SLIT2: variants seen among roughly 807,000 people sequenced by gnomAD.
SLIT2 encodes slit homolog 2 protein.
A neutral mutation model predicts 185.7 loss-of-function variants in SLIT2; 41 were observed. That is an observed-to-expected ratio of 0.22 (90% CI 0.17 to 0.29). The LOEUF is 0.29. SLIT2 is among the 10% of genes least tolerant of loss of function. The pLI is 1.00. For missense variants in SLIT2, 1,571 were observed against 1,909.0 expected (o/e 0.82, Z 3.30); for synonymous variants, 693 against 680.2 (o/e 1.02, Z -0.29).
At chr4:20,488,679 A>T in intron 7 of SLIT2, 140 bp from the exon 8 acceptor site, 1 of 541,832 alleles carries the variant, frequency 1.8e-6, no homozygotes, top group Non-Finnish European at 3.1e-6. Context: ...GTGATTGTAC[A>T]TCAGTTTAAT....
At chr4:20,498,879 A>G (rs1299831536) in intron 9 of SLIT2, among the ~76,000 whole-genome samples, 1 of 152,204 alleles carries the variant, frequency 6.6e-6, no homozygotes, top group African/African-American at 2.4e-5. Flanking sequence ...CGATAAACAT[A>G]TGAGTGAAAG....
chr4:20,282,703 C>A (rs992333121), intron 4 of SLIT2, among the ~76,000 whole-genome samples: 4 of 152,154 alleles, frequency 2.6e-5, no homozygotes, highest in Admixed American at 2.6e-4. Context: ...ATCTGTTTAA[C>A]CTTTTAAAAT....
At chr4:20,281,649 G>C (rs986176102) in intron 4 of SLIT2, among the ~76,000 whole-genome samples, 5 of 152,164 alleles carry the variant, frequency 3.3e-5, no homozygotes, top group African/African-American at 1.2e-4. Flanking sequence ...GGTACTCCAA[G>C]TGACCACCCT....
chr4:20,512,958 T>G, intron 11 of SLIT2, among the ~76,000 whole-genome samples: 1 of 152,228 alleles, frequency 6.6e-6, no homozygotes, highest in East Asian at 1.9e-4. Context: ...AATTTGTTAC[T>G]TCTTTCAATA....
At chr4:20,603,972 A>T (rs561472338) in intron 33 of SLIT2, among the ~76,000 whole-genome samples, 8 of 152,176 alleles carry the variant, frequency 5.3e-5, no homozygotes, top group Non-Finnish European at 1.2e-4. Context: ...CCTTGGGCAG[A>T]TTGCTTCATT....
chr4:20,597,833 G>T (rs902675613), intron 32 of SLIT2, among the ~76,000 whole-genome samples: 7 of 152,154 alleles, frequency 4.6e-5, no homozygotes, highest in South Asian at 2.1e-4. Context: ...GGGCCAAAGA[G>T]CAGGATAAAA....
chr4:20,471,682 A>G (rs1217859405), intron 5 of SLIT2, among the ~76,000 whole-genome samples: 3 of 152,188 alleles, frequency 2.0e-5, no homozygotes, highest in Non-Finnish European at 4.4e-5. Flanking sequence ...CAAGATTTTC[A>G]CTAAAAGCAT....
chr4:20,618,656 C>G (rs1729861941), intron 36 of SLIT2, 112 bp from the exon 37 acceptor site: 2 of 1,099,094 alleles, frequency 1.8e-6, no homozygotes, highest in South Asian at 1.8e-5. Context: ...ATATGTAAAG[C>G]AAGTTACAAA....
intron 4 of SLIT2, among the ~76,000 whole-genome samples, chr4:20,447,516 CT>C (rs931095563): frequency 2.0e-5 from 3 of 152,102 alleles, no homozygotes; most frequent in African/African-American, 7.2e-5. Context: ...ATTTTAACGT[CT>C]TTTTTTGATA....
At position 20,610,085 on chromosome 4, in the gene SLIT2, C is replaced by T. The variant is rs779990848; in HGVS notation, c.3765C>T (p.Ser1255=). Residue 1255 remains serine, a synonymous_variant, in exon 34 of 37, where the codon TCC becomes TCT. Coordinates refer to ENST00000504154, the MANE Select transcript of SLIT2 (RefSeq NM_004787.4). ...CCTTGGATCAGAGTCTCTCTTTGTC[C>T]GTGGATGGTGGGAACCCCAAAATCA... ...LLALDQSLSL[S]VDGGNPKIIT... 11 of 1,613,542 alleles carry T rather than the reference C, an allele frequency of 6.8e-6. No homozygotes were observed. Among genetic ancestry groups the T allele is most frequent in the African/African-American group, 4.0e-5 (3 of 74,884 alleles).
intron 26 of SLIT2, among the ~76,000 whole-genome samples, chr4:20,554,496 A>T (rs553633520): frequency 1.9e-4 from 29 of 152,320 alleles, no homozygotes; most frequent in African/African-American, 5.3e-4. Flanking sequence ...ATATTGTCAG[A>T]ATAACAAATA....
chr4:20,500,114 G>A (rs1467914004), intron 9 of SLIT2, among the ~76,000 whole-genome samples: 6 of 151,990 alleles, frequency 3.9e-5, no homozygotes, highest in Admixed American at 2.6e-4. Flanking sequence ...AATGTAACAT[G>A]GTATGAAAGA....
chr4:20,326,497 T>A (rs1719603955), intron 4 of SLIT2, among the ~76,000 whole-genome samples: 1 of 152,036 alleles, frequency 6.6e-6, no homozygotes. Flanking sequence ...CCCGTCTTGC[T>A]CATTTCCAAC....
intron 4 of SLIT2, among the ~76,000 whole-genome samples, chr4:20,359,702 C>T (rs1188217183): frequency 6.6e-6 from 1 of 151,970 alleles, no homozygotes; most frequent in African/African-American, 2.4e-5. Context: ...GTTACAAGGC[C>T]AGTGGCTGCC....
intron 29 of SLIT2, among the ~76,000 whole-genome samples, chr4:20,585,877 C>A (rs1727019013): frequency 6.6e-6 from 1 of 152,102 alleles, no homozygotes; most frequent in African/African-American, 2.4e-5. Flanking sequence ...AAAATAAAAA[C>A]CAAGTAAAAA....
chr4:20,614,138 G>T (rs1560241482), intron 34 of SLIT2, among the ~76,000 whole-genome samples: 1 of 152,118 alleles, frequency 6.6e-6, no homozygotes, highest in Non-Finnish European at 1.5e-5. Context: ...CTCCCAAAGT[G>T]CTGGGATTAC....
At chr4:20,573,213 TTCTG>T (rs2148922541) in intron 29 of SLIT2, 1 of 702,982 alleles carries the variant, frequency 1.4e-6, no homozygotes, top group African/African-American at 1.7e-5. Context: ...CTTTTGTCTC[TTCTG>T]TCTTTGTCGC....
chr4:20,567,828 A>G (rs1005886821), intron 28 of SLIT2, among the ~76,000 whole-genome samples: 7 of 152,058 alleles, frequency 4.6e-5, no homozygotes, highest in African/African-American at 1.4e-4. Context: ...CAAAACCAAA[A>G]CTAATTTACA....
chr4:20,404,350 T>G (rs894870940), intron 4 of SLIT2, among the ~76,000 whole-genome samples: 5 of 151,930 alleles, frequency 3.3e-5, no homozygotes, highest in African/African-American at 1.2e-4. Flanking sequence ...AAGAGTAGCA[T>G]AGTCATTATA....
Sources: gnomAD v4.1 joint callset for allele counts (sites outside exome capture counted in the v4.1 genomes callset) on GRCh38, gnomAD v4.1.1 for gene constraint, MANE v1.5 for transcripts, NCBI Gene and HGNC (gene_info 2026-07-23, HGNC 2026-07-21) for gene names.